NSMAF: variants seen among roughly 807,000 people sequenced by gnomAD.
The protein encoded by NSMAF is protein FAN.
Under a neutral mutation model 134.9 loss-of-function variants are expected in NSMAF, and 90 were observed. That is an observed-to-expected ratio of 0.67 (90% CI 0.56 to 0.79). NSMAF has a LOEUF of 0.79. Among genes scored for constraint, NSMAF ranks in the 30% least tolerant of loss-of-function variants. The pLI, the probability that NSMAF is intolerant of heterozygous loss-of-function variation, is 0.00. For synonymous variants in NSMAF, 358 were observed against 389.6 expected, an observed-to-expected ratio of 0.92 and a Z score of 0.96; for missense variants, 1,010 against 1,119.0, an observed-to-expected ratio of 0.90 and a Z score of 1.39.
intron 8 of NSMAF, 23 bp downstream of exon 8, chr8:58,623,354 C>T (rs769892686): frequency 2.5e-6 from 4 of 1,612,600 alleles, no homozygotes; most frequent in East Asian, 2.2e-5. Context: ...CAATCAAAGA[C>T]AGACATTGTT....
chr8:58,630,417 C>T (rs1334898573), intron 6 of NSMAF, among the ~76,000 whole-genome samples: 1 of 151,678 alleles, frequency 6.6e-6, no homozygotes, highest in Non-Finnish European at 1.5e-5. Flanking sequence ...TTTCCTTTCA[C>T]ATAATCTTTC....
chr8:58,603,229 A>C lies in NSMAF; in HGVS notation c.1026T>G (p.Asp342Glu), dbSNP rs1178037345. 1 of 1,614,194 alleles carries C rather than the reference A, an allele frequency of 6.2e-7. No homozygotes were observed. Among genetic ancestry groups the C allele is most frequent in the South Asian group, 1.1e-5 (1 of 91,084 alleles). ...AGTTACCTAGTTCTGAGCTGGAATA[A>C]TCATGTATTATCCATGGAAACACAG... ...QYPVFPWIIH[D>E]YSSSELDLSN... The change falls in exon 13 of 31, where the codon GAT (aspartate) becomes GAG (glutamate). Residue 342 changes from aspartate to glutamate, a missense_variant. Asp to Glu is a conservative substitution (Grantham distance 45, BLOSUM62 2). Transcript: ENST00000038176.
intron 2 of NSMAF, among the ~76,000 whole-genome samples, chr8:58,642,183 G>C (rs1171238903): frequency 6.6e-6 from 1 of 152,130 alleles, no homozygotes; most frequent in African/African-American, 2.4e-5. Context: ...ATCCGTTAAG[G>C]ATAAACCTGA....
intron 23 of NSMAF, among the ~76,000 whole-genome samples, chr8:58,593,528 T>G (rs1234394563): frequency 6.6e-6 from 1 of 152,228 alleles, no homozygotes; most frequent in Non-Finnish European, 1.5e-5. Context: ...AGTTGTTTTC[T>G]CATGGAAGCA....
chr8:58,585,810 T>C (rs754383341), intron 29 of NSMAF, 49 bp from the exon 30 acceptor site: 1 of 1,583,322 alleles, frequency 6.3e-7, no homozygotes, highest in East Asian at 2.2e-5. Flanking sequence ...GAAGGAAGGA[T>C]ATGTTGAACT....
In NSMAF at chr8:58,602,133, C is replaced by A. The variant is rs1275807929; in HGVS notation, c.1050G>T (p.Leu350Phe). The A allele has an allele frequency of 2.5e-6, 4 of 1,611,556 alleles. No homozygotes were observed. The highest frequency in any genetic ancestry group is 3.4e-6 in the Non-Finnish European group (4 of 1,178,040). Residue 350 changes from leucine to phenylalanine, a missense_variant, in exon 14 of 31, where the codon TTG becomes TTT. Physicochemically the swap from Leu to Phe is conservative, Grantham distance 22. Coordinates refer to ENST00000038176, the MANE Select transcript of NSMAF (RefSeq NM_003580.4). ...GATCCCGGAAGGTTCCTGGATTTGA[C>A]AAATCTATAAACATAAATCAATAAA... is the stretch of plus-strand genomic sequence containing the variant. ...IHDYSSSELD[L>F]SNPGTFRDLS...
intron 2 of NSMAF, chr8:58,640,001 G>A: frequency 2.2e-6 from 1 of 448,964 alleles, no homozygotes; most frequent in Non-Finnish European, 4.5e-6. Context: ...TCAGAGCTTT[G>A]TTCAGGCAAG....
chr8:58,610,670 C>G (rs1427955011), intron 9 of NSMAF, among the ~76,000 whole-genome samples: 1 of 152,136 alleles, frequency 6.6e-6, no homozygotes, highest in African/African-American at 2.4e-5. Context: ...TGAGTAAGGG[C>G]TGCAGAATGA....
intron 22 of NSMAF, chr8:58,594,664 TACTC>T (rs1283512575): frequency 4.3e-6 from 1 of 230,462 alleles, no homozygotes; most frequent in East Asian, 1.1e-4. Context: ...GAAGCTAATT[TACTC>T]AGTGACTATT....
chr8:58,602,596 T>A (rs1400403399), intron 13 of NSMAF, among the ~76,000 whole-genome samples: 2 of 152,304 alleles, frequency 1.3e-5, no homozygotes, highest in East Asian at 3.9e-4. Flanking sequence ...AAATCTATTA[T>A]CTCTTTCAAG....
chr8:58,604,499 T>A (rs2634531), intron 12 of NSMAF, among the ~76,000 whole-genome samples: 1 of 149,288 alleles, frequency 6.7e-6, no homozygotes, highest in African/African-American at 2.4e-5. Flanking sequence ...AATGTATGAA[T>A]AAAATACTAG....
chr8:58,583,867 C>T lies in NSMAF; in HGVS notation c.*239G>A. ...CTGACAATCATCATACGGGGACGAT[C>T]ATCTGCCTTACAGTGTAACATGTTT... On this transcript the variant is annotated 3_prime_UTR_variant, in exon 31 of 31. Transcript: ENST00000038176. 1 of 497,136 alleles carries T rather than the reference C, an allele frequency of 2.0e-6. No homozygotes were observed. The allele number at this position is 497,136 out of a possible 1,614,324, so 30.8% of individuals were successfully genotyped here.
At chr8:58,612,626 TG>T (rs1326296253) in intron 9 of NSMAF, among the ~76,000 whole-genome samples, 21 of 152,180 alleles carry the variant, frequency 1.4e-4, no homozygotes, top group Admixed American at 1.2e-3. Flanking sequence ...GATTTGTGAT[TG>T]GCATCGGAGG....
chr8:58,642,947 GGTTT>G (rs778384404), intron 2 of NSMAF, 33 bp downstream of exon 2: 1 of 1,430,136 alleles, frequency 7.0e-7, no homozygotes. Context: ...ATATCAGAAA[GGTTT>G]GTTTGTCCAA....
Position 58,659,813 on chromosome 8 carries a change from C to T in NSMAF, c.-182G>A, listed in dbSNP as rs1482831390. The stretch of plus-strand genomic sequence containing the variant: ...AGCCCGACGCGGCGTCCCGGCCGCG[C>T]TCACCGCAGCATCCTCGCGTGGGGA... On this transcript the variant is annotated 5_prime_UTR_variant, in exon 1 of 31. Transcript: ENST00000038176. 2.2e-5 allele frequency: 7 copies of T among 311,774 alleles called. No homozygotes were observed. In the East Asian group the frequency reaches 2.8e-4, roughly 12 times the overall value. The allele number at this position is 311,774 out of a possible 1,614,324, so 19.3% of individuals were successfully genotyped here. A position where few individuals can be genotyped will look rare whatever the true frequency, so the allele number is the denominator to read the frequency against.
At chr8:58,589,651 T>A in intron 25 of NSMAF, 76 bp from the exon 26 acceptor site, 1 of 1,377,288 alleles carries the variant, frequency 7.3e-7, no homozygotes, top group Non-Finnish European at 9.8e-7. Context: ...TAAAGAAACA[T>A]TATGTTGTTT....
intron 9 of NSMAF, among the ~76,000 whole-genome samples, chr8:58,611,137 A>C (rs890974206): frequency 1.3e-5 from 2 of 152,340 alleles, no homozygotes; most frequent in East Asian, 3.9e-4. Context: ...CATAACAAAG[A>C]AGCAAGAAAA....
Position 58,609,622 on chromosome 8 carries a change from C to T in NSMAF, c.669G>A (p.Gln223=), listed in dbSNP as rs766892349. Residue 223 remains glutamine (Q), a synonymous_variant, in exon 10 of 31, where the codon CAG becomes CAA. Coordinates refer to ENST00000038176, the MANE Select transcript of NSMAF (RefSeq NM_003580.4). ...VCITDTNLYF[Q]PLNGYPKPVV... is the part of the protein sequence containing the mutation. ...TACACACCGGGTAGCCGTTGAGGGG[C>T]TGAAAATACAGGTTTGTGTCCGTGA... 1.9e-6 allele frequency: 3 copies of T among 1,614,144 alleles called. No individual in the cohort carries two copies. Among genetic ancestry groups the T allele is most frequent in the South Asian group, 1.1e-5 (1 of 91,080 alleles).
At chr8:58,651,721 A>C (rs1353904607) in intron 1 of NSMAF, among the ~76,000 whole-genome samples, 3 of 152,238 alleles carry the variant, frequency 2.0e-5, no homozygotes, top group Admixed American at 6.5e-5. Context: ...CAAACAAATA[A>C]AAAATCAAGA....
Sources: gnomAD v4.1 joint callset for allele counts (sites outside exome capture counted in the v4.1 genomes callset) on GRCh38, gnomAD v4.1.1 for gene constraint, MANE v1.5 for transcripts, NCBI Gene and HGNC (gene_info 2026-07-23, HGNC 2026-07-21) for gene names.